Variants in FAT4 observed in about 807,000 individuals in gnomAD.
FAT4 encodes the protein FAT atypical cadherin 4, also known as protocadherin Fat 4.
A neutral mutation model predicts 303.9 loss-of-function variants in FAT4; 84 were observed. That is an observed-to-expected ratio of 0.28 (90% CI 0.23 to 0.33). The LOEUF is 0.33. FAT4 is among the 10% of genes least tolerant of loss of function. The pLI is 1.00. For synonymous variants in FAT4, 2,307 were observed against 2,298.8 expected (o/e 1.00, Z -0.10); for missense variants, 6,005 against 6,146.8 (o/e 0.98, Z 0.77).
chr4:125,382,208 G>A (rs757072766), intron 2 of FAT4, among the ~76,000 whole-genome samples: 1 of 152,236 alleles, frequency 6.6e-6, no homozygotes, highest in Admixed American at 6.5e-5. Flanking sequence ...CTAGAATGGT[G>A]AATTCTTTCC....
intron 2 of FAT4, among the ~76,000 whole-genome samples, chr4:125,374,508 G>A (rs749564043): frequency 7.2e-5 from 11 of 152,128 alleles, no homozygotes; most frequent in Non-Finnish European, 1.3e-4. Context: ...TAGGATTCAC[G>A]TCCTTATTCT....
intron 2 of FAT4, among the ~76,000 whole-genome samples, chr4:125,329,060 A>C (rs933915328): frequency 3.3e-5 from 5 of 152,206 alleles, no homozygotes; most frequent in African/African-American, 9.6e-5. Flanking sequence ...TTAGGTCCCT[A>C]TTAACCTTTA....
At chr4:125,461,920 T>G (rs1264633207) in intron 10 of FAT4, among the ~76,000 whole-genome samples, 1 of 151,976 alleles carries the variant, frequency 6.6e-6, no homozygotes, top group Non-Finnish European at 1.5e-5. Context: ...AAGCACTATT[T>G]GAAGTTTTCC....
rs770695484 is a variant in FAT4, at chr4:125,416,555, A to G, written c.6951A>G (p.Gly2317=). ...CTCTCTCAGCCAGTGGAGAACTTGG[A>G]GTAACACAGAGTCTGGATCGGGAAA... ...AFTLSASGEL[G]VTQSLDRETK... is the part of the protein sequence containing the mutation. The change falls in exon 7 of 18, where the codon GGA becomes GGG. Residue 2317 remains glycine, a synonymous_variant. Transcript: ENST00000394329. 8.7e-6 allele frequency: 14 copies of G among 1,613,926 alleles called. No homozygotes were observed. In the South Asian group the frequency reaches 1.4e-4, roughly 16 times the overall value.
At chr4:125,342,246 G>C (rs535212588) in intron 2 of FAT4, among the ~76,000 whole-genome samples, 1 of 151,792 alleles carries the variant, frequency 6.6e-6, no homozygotes, top group South Asian at 2.1e-4. Flanking sequence ...ATTTCAGCAC[G>C]GTGATTGGTG....
chr4:125,329,126 G>A (rs1381964859), intron 2 of FAT4, among the ~76,000 whole-genome samples: 1 of 151,928 alleles, frequency 6.6e-6, no homozygotes, highest in African/African-American at 2.4e-5. Flanking sequence ...TAAATCCCAA[G>A]GCAGGAATAT....
chr4:125,342,618 A>C (rs750338450), intron 2 of FAT4, among the ~76,000 whole-genome samples: 1 of 151,954 alleles, frequency 6.6e-6, no homozygotes, highest in Non-Finnish European at 1.5e-5. Context: ...AATACAATTT[A>C]AATTTAGATA....
Position 125,321,488 on chromosome 4 carries a change from G to T in FAT4, c.5077G>T (p.Ala1693Ser), listed in dbSNP as rs200007224. 1.2e-5 allele frequency: 19 copies of T among 1,613,966 alleles called. No homozygotes were observed. The highest frequency in any genetic ancestry group is 1.6e-4 in the Middle Eastern group (1 of 6,084). Residue 1693 changes from alanine to serine, a missense_variant, in exon 2 of 18, where the codon GCA becomes TCA. Coordinates refer to ENST00000394329, the MANE Select transcript of FAT4 (RefSeq NM_001291303.3). ...ACGACATACTGGTATAATTCAGACC[G>T]CAGCCATTCTGGACCGGGAGCAAGG... ...IGRHTGIIQT[A>S]AILDREQGAC... is the part of the protein sequence containing the mutation.
In FAT4 at chr4:125,316,165, T is replaced by C. The variant is rs1730574442; in HGVS notation, c.-13+188T>C. On this transcript the variant is annotated intron_variant, in intron 1 of 17. Transcript: ENST00000394329. The surrounding 1 kb of genome is among the most constrained non-coding windows in gnomAD (Gnocchi z 5.7). ...TTTCTGGGAACTCAGCTCACAGGAG[T>C]GTCCCGCGGAATGCCCTGCCGCTTT... 6.6e-6 allele frequency among the ~76,000 whole-genome samples: 1 copy of C among 151,938 alleles called. No homozygotes were observed. Among genetic ancestry groups the C allele is most frequent in the African/African-American group, 2.4e-5 (1 of 41,340 alleles).
intron 3 of FAT4, among the ~76,000 whole-genome samples, chr4:125,405,004 T>C (rs1035261678): frequency 6.6e-6 from 1 of 152,076 alleles, no homozygotes; most frequent in Admixed American, 6.6e-5. Context: ...TCCTTTTTTT[T>C]TTTTTTAAAT....
intron 7 of FAT4, among the ~76,000 whole-genome samples, chr4:125,426,446 G>A (rs1725090087): frequency 1.3e-5 from 2 of 151,848 alleles, no homozygotes; most frequent in South Asian, 4.1e-4. Flanking sequence ...TGGCATATTT[G>A]TCATAGATGG....
intron 7 of FAT4, among the ~76,000 whole-genome samples, chr4:125,432,360 T>G (rs1199098808): frequency 2.0e-5 from 3 of 152,244 alleles, no homozygotes; most frequent in African/African-American, 7.2e-5. Flanking sequence ...CAAATGGAGA[T>G]GACAGCAGTG....
intron 8 of FAT4, among the ~76,000 whole-genome samples, chr4:125,435,590 G>A (rs1167497358): frequency 6.6e-6 from 1 of 152,086 alleles, no homozygotes; most frequent in East Asian, 1.9e-4. Flanking sequence ...CACAATACTT[G>A]GTCTCTCTAA....
intron 2 of FAT4, among the ~76,000 whole-genome samples, chr4:125,382,389 T>C (rs1733575122): frequency 6.6e-6 from 1 of 152,230 alleles, no homozygotes; most frequent in African/African-American, 2.4e-5. Flanking sequence ...TTAATCTCTT[T>C]GCACATCTTT....
Position 125,320,374 on chromosome 4 carries a change from T to C in FAT4, c.3963T>C (p.Phe1321=), listed in dbSNP as rs1730884308. 6.2e-7 allele frequency: 1 copy of C among 1,614,098 alleles called. No individual in the cohort carries two copies. Residue 1321 remains phenylalanine (F), a synonymous_variant, in exon 2 of 18, where the codon TTT becomes TTC. Transcript: ENST00000394329. ...NTPSFPKSTL[F]VDVLENMRIG... ...CTTCTTTCCCTAAATCAACACTCTT[T>C]GTTGATGTTTTGGAAAACATGAGAA...
chr4:125,491,830 T>C lies in FAT4; in HGVS notation c.*62T>C. The stretch of plus-strand genomic sequence containing the variant: ...AAATAATACTCAAACCATTGTAAAG[T>C]TGCTGACTAGGTTGGGTCACATTTG... On this transcript the variant is annotated 3_prime_UTR_variant, in exon 18 of 18. Transcript: ENST00000394329. 1 of 1,477,502 alleles carries C rather than the reference T, an allele frequency of 6.8e-7. No homozygotes were observed. The highest frequency in any genetic ancestry group is 9.0e-7 in the Non-Finnish European group (1 of 1,109,810). The allele number at this position is 1,477,502 out of a possible 1,614,324, so 91.5% of individuals were successfully genotyped here.
At chr4:125,424,506 C>G (rs2126035583) in intron 7 of FAT4, among the ~76,000 whole-genome samples, 1 of 152,256 alleles carries the variant, frequency 6.6e-6, no homozygotes, top group Admixed American at 6.5e-5. Flanking sequence ...TTATAAATTG[C>G]CCAGTCCCAG....
intron 10 of FAT4, among the ~76,000 whole-genome samples, chr4:125,457,483 AG>A (rs954558770): frequency 3.3e-5 from 5 of 152,120 alleles, no homozygotes; most frequent in Non-Finnish European, 5.9e-5. Flanking sequence ...AGTGATTTAG[AG>A]GGAATGAATT....
chr4:125,376,368 A>T (rs1197151102), intron 2 of FAT4, among the ~76,000 whole-genome samples: 1 of 152,114 alleles, frequency 6.6e-6, no homozygotes, highest in Admixed American at 6.5e-5. Context: ...CTATTTGAAA[A>T]AACTATTTGA....
Sources: gnomAD v4.1 joint callset for allele counts (sites outside exome capture counted in the v4.1 genomes callset) on GRCh38, gnomAD v4.1.1 for gene constraint, Gnocchi (gnomAD v3.1) non-coding constraint, MANE v1.5 for transcripts, NCBI Gene and HGNC (gene_info 2026-07-23, HGNC 2026-07-21) for gene names.